Variants in PHACTR2 observed in about 807,000 individuals in gnomAD.
The protein encoded by PHACTR2 is chromosome 6 open reading frame 56.
In PHACTR2, 30 loss-of-function variants were observed where a neutral mutation model predicts 76.0. That is an observed-to-expected ratio of 0.39 (90% CI 0.30 to 0.54). The LOEUF is 0.54. PHACTR2 is among the 20% of genes least tolerant of loss of function. The pLI, the probability that PHACTR2 is intolerant of heterozygous loss-of-function variation, is 0.61. For missense variants in PHACTR2, 696 were observed against 781.1 expected, an observed-to-expected ratio of 0.89 and a Z score of 1.30; for synonymous variants, 292 against 292.5, an observed-to-expected ratio of 1.00 and a Z score of 0.02.
chr6:143,773,834 T>C (rs994314911), intron 7 of PHACTR2, among the ~76,000 whole-genome samples: 2 of 152,212 alleles, frequency 1.3e-5, no homozygotes, highest in African/African-American at 2.4e-5. Context: ...TTTCATGGTG[T>C]CCCAATATTT....
rs564842077 is a variant in PHACTR2 at position 143,789,704 on chromosome 6, G to A, written c.1845+794G>A. 6.6e-6 allele frequency among the ~76,000 whole-genome samples: 1 copy of A among 152,108 alleles called. No homozygotes were observed. Among genetic ancestry groups the A allele is most frequent in the African/African-American group, 2.4e-5 (1 of 41,472 alleles). ...ATCATAAGTACTTTTGCTTAAACAT[G>A]CCACATCTTAATGCTAAAACTAGGC... On this transcript the variant is annotated intron_variant, in intron 11 of 12. Transcript: ENST00000440869. This position sits in a 1 kb window ranked among gnomAD's most constrained non-coding sequence, Gnocchi z 5.1.
In PHACTR2 at chr6:143,775,218, C is replaced by T. The variant is rs1260236859; in HGVS notation, c.1589+1003C>T. ...GTGTCAGAGACAGCAGCTGTGGCATCTATCTGAAGGAAAAGCACAGCCTAC... is the reference window on the plus strand; with the variant it reads ...GTGTCAGAGACAGCAGCTGTGGCATTTATCTGAAGGAAAAGCACAGCCTAC... On this transcript the variant is annotated intron_variant, in intron 8 of 12. Coordinates refer to ENST00000440869, the MANE Select transcript of PHACTR2 (RefSeq NM_001100164.2). The surrounding 1 kb of genome is among the most constrained non-coding windows in gnomAD (Gnocchi z 4.4). Among the ~76,000 whole-genome samples, 1 of 152,148 alleles carries T rather than the reference C, an allele frequency of 6.6e-6. No homozygotes were observed. The highest frequency in any genetic ancestry group is 1.5e-5 in the Non-Finnish European group (1 of 68,020).
rs1007169956 is a variant in PHACTR2 at position 143,602,814 on chromosome 6, A to G, written c.217+65607A>G. On this transcript the variant is annotated intron_variant, in intron 1 of 11. Coordinates refer to the PHACTR2 transcript ENST00000367584. This position sits in a 1 kb window ranked among gnomAD's most constrained non-coding sequence, Gnocchi z 6.1. ...CAGACACCAGGCAATCTGGATGTGC[A>G]GAAAAGTTTCACAGCCTCTGCATTA... Among the ~76,000 whole-genome samples the G allele has an allele frequency of 6.6e-6, 1 of 152,178 alleles. No individual in the cohort carries two copies. Among genetic ancestry groups the G allele is most frequent in the African/African-American group, 2.4e-5 (1 of 41,444 alleles).
rs1776521263 is a variant in PHACTR2, at chr6:143,825,906, A to G, written c.*2217A>G. 1 of 152,148 alleles carries G rather than the reference A, an allele frequency of 6.6e-6. No individual in the cohort carries two copies. The highest frequency in any genetic ancestry group is 2.4e-5 in the African/African-American group (1 of 41,438). The allele number at this position is 152,148 out of a possible 1,614,324, so 9.4% of individuals were successfully genotyped here. A position where few individuals can be genotyped will look rare whatever the true frequency, so the allele number is the denominator to read the frequency against. ...ATGCAATTTTTTATTGCCTACAATG[A>G]GATACACTTAGTACAAAAAATGAAA... On this transcript the variant is annotated 3_prime_UTR_variant, in exon 13 of 13. Coordinates refer to ENST00000440869, the MANE Select transcript of PHACTR2 (RefSeq NM_001100164.2). This position sits in a 1 kb window ranked among gnomAD's most constrained non-coding sequence, Gnocchi z 4.1.
At chr6:143,632,308 C>T (rs895904158) in intron 1 of PHACTR2, among the ~76,000 whole-genome samples, 7 of 152,104 alleles carry the variant, frequency 4.6e-5, no homozygotes, top group African/African-American at 1.7e-4. Context: ...AATATTCTAT[C>T]TTGTATTTTA....
rs1366051930 is a variant in PHACTR2 at position 143,672,845 on chromosome 6, C to T, written c.14-39171C>T. Among the ~76,000 whole-genome samples the T allele has an allele frequency of 6.6e-6, 1 of 152,140 alleles. No individual in the cohort carries two copies. Among genetic ancestry groups the T allele is most frequent in the Non-Finnish European group, 1.5e-5 (1 of 68,024 alleles). ...GTTCAAGTGATTCTCCGGCCTCAGC[C>T]TCCCAAGTAGCTGAGATTACAGGAG... On this transcript the variant is annotated intron_variant, in intron 1 of 11. Coordinates refer to the PHACTR2 transcript ENST00000305766. The surrounding 1 kb of genome is among the most constrained non-coding windows in gnomAD (Gnocchi z 5.8).
At chr6:143,649,379 A>G (rs1298118676) in intron 1 of PHACTR2, among the ~76,000 whole-genome samples, 1 of 152,202 alleles carries the variant, frequency 6.6e-6, no homozygotes, top group African/African-American at 2.4e-5. Context: ...CCTGGCAGAG[A>G]TACAACAAAA....
rs1194452349 is a variant in PHACTR2 at position 143,580,416 on chromosome 6, C to T, written c.217+43209C>T. 1.3e-5 allele frequency among the ~76,000 whole-genome samples: 2 copies of T among 152,206 alleles called. No homozygotes were observed. The highest frequency in any genetic ancestry group is 2.1e-4 in the South Asian group (1 of 4,832). ...AGGAGAATGGCGTGAACCCAGGAGG[C>T]GGGGCTTGCAGTGAGCCGAGATCGT... is the stretch of plus-strand genomic sequence containing the variant. On this transcript the variant is annotated intron_variant, in intron 1 of 11. Transcript: ENST00000367584. The surrounding 1 kb of genome is among the most constrained non-coding windows in gnomAD (Gnocchi z 4.2).
At chr6:143,594,336 TC>T (rs925238258) in intron 1 of PHACTR2, among the ~76,000 whole-genome samples, 1 of 152,176 alleles carries the variant, frequency 6.6e-6, no homozygotes, top group African/African-American at 2.4e-5. Context: ...ATGTGTATTA[TC>T]CCCCCACCAC....
chr6:143,572,155 G>C (rs912820045), intron 1 of PHACTR2, among the ~76,000 whole-genome samples: 4 of 152,200 alleles, frequency 2.6e-5, no homozygotes, highest in Non-Finnish European at 5.9e-5. Flanking sequence ...TGTTGTTGTA[G>C]ACTTTGTTTT....
chr6:143,569,667 A>T (rs1775420269), intron 1 of PHACTR2, among the ~76,000 whole-genome samples: 2 of 152,222 alleles, frequency 1.3e-5, no homozygotes, highest in Non-Finnish European at 1.5e-5. Context: ...ATATAGATAG[A>T]CATACCTGTT....
At chr6:143,705,834 CTCTT>C (rs1778040681) in intron 1 of PHACTR2, among the ~76,000 whole-genome samples, 1 of 152,184 alleles carries the variant, frequency 6.6e-6, no homozygotes, top group Admixed American at 6.5e-5. Context: ...CCTTTCTCCT[CTCTT>C]TCCATACTGC....
rs1562324637 is a variant in PHACTR2, at chr6:143,830,553, G to T, written c.*6864G>T. ...ATCTGTACTGTATTATAGTATGTGGGTATAAATATCTACAAGTATACACAC... is the reference window on the plus strand; with the variant it reads ...ATCTGTACTGTATTATAGTATGTGGTTATAAATATCTACAAGTATACACAC... On this transcript the variant is annotated 3_prime_UTR_variant, in exon 13 of 13. Coordinates refer to ENST00000440869, the MANE Select transcript of PHACTR2 (RefSeq NM_001100164.2). 6.6e-6 allele frequency: 1 copy of T among 152,042 alleles called. No individual in the cohort carries two copies. Among genetic ancestry groups the T allele is most frequent in the Admixed American group, 6.6e-5 (1 of 15,262 alleles). 9.4% of individuals were successfully genotyped at this position (152,042 alleles called of 1,614,324 possible). A position where few individuals can be genotyped will look rare whatever the true frequency, so the allele number is the denominator to read the frequency against.
At chr6:143,642,713 T>C (rs939465575) in intron 1 of PHACTR2, among the ~76,000 whole-genome samples, 5 of 152,198 alleles carry the variant, frequency 3.3e-5, no homozygotes, top group Admixed American at 6.5e-5. Context: ...GAGAACACTA[T>C]GTGAAGATGA....
chr6:143,590,394 T>C (rs191388453), intron 1 of PHACTR2, among the ~76,000 whole-genome samples: 1 of 152,238 alleles, frequency 6.6e-6, no homozygotes, highest in Admixed American at 6.5e-5. Flanking sequence ...TGACTTCAAA[T>C]GTGCTTTTGC....
In PHACTR2 at chr6:143,780,709, T is replaced by C. The variant is rs965441746; in HGVS notation, c.1646-2510T>C. Among the ~76,000 whole-genome samples, 1 of 152,196 alleles carries C rather than the reference T, an allele frequency of 6.6e-6. No individual in the cohort carries two copies. Among genetic ancestry groups the C allele is most frequent in the Non-Finnish European group, 1.5e-5 (1 of 68,042 alleles). On this transcript the variant is annotated intron_variant, in intron 9 of 12. Transcript: ENST00000440869. This position sits in a 1 kb window ranked among gnomAD's most constrained non-coding sequence, Gnocchi z 4.4. ...ACCACATGTATTATTTGTTTATTTA[T>C]CGGAAATGCTTCTTGCGGGTCGTCC...
rs1775189815 is a variant in PHACTR2, at chr6:143,772,980, A to T, written c.1432+523A>T. On this transcript the variant is annotated intron_variant, in intron 7 of 12. Transcript: ENST00000440869. This position sits in a 1 kb window ranked among gnomAD's most constrained non-coding sequence, Gnocchi z 5.4. ...GCTCATGTCTAATTTTGGGAGGCTA[A>T]CGTGGGTGAATCCCTTGAGGTCAGG... is the stretch of plus-strand genomic sequence containing the variant. Among the ~76,000 whole-genome samples the T allele has an allele frequency of 6.6e-6, 1 of 152,208 alleles. No individual in the cohort carries two copies. Among genetic ancestry groups the T allele is most frequent in the African/African-American group, 2.4e-5 (1 of 41,460 alleles).
rs779610956 is a variant in PHACTR2, at chr6:143,750,621, G to T, written c.295+1556G>T. ...TAATTAAAATTTGTAGGTAGAAAAAGAATTTGCTCTGTCTGAAAACCAAGT... is the reference window on the plus strand; with the variant it reads ...TAATTAAAATTTGTAGGTAGAAAAATAATTTGCTCTGTCTGAAAACCAAGT... On this transcript the variant is annotated intron_variant, in intron 3 of 12. Transcript: ENST00000440869. This position sits in a 1 kb window ranked among gnomAD's most constrained non-coding sequence, Gnocchi z 4.6. Among the ~76,000 whole-genome samples the T allele has an allele frequency of 1.3e-5, 2 of 152,130 alleles. No homozygotes were observed. Among genetic ancestry groups the T allele is most frequent in the Non-Finnish European group, 2.9e-5 (2 of 67,996 alleles).
intron 12 of PHACTR2, among the ~76,000 whole-genome samples, chr6:143,810,097 A>G (rs1017914560): frequency 6.6e-6 from 1 of 152,070 alleles, no homozygotes; most frequent in African/African-American, 2.4e-5. Context: ...GGCAACAGAA[A>G]GAAATCCTGT....
Sources: gnomAD v4.1 joint callset for allele counts (sites outside exome capture counted in the v4.1 genomes callset) on GRCh38, gnomAD v4.1.1 for gene constraint, Gnocchi (gnomAD v3.1) non-coding constraint, MANE v1.5 for transcripts, NCBI Gene and HGNC (gene_info 2026-07-23, HGNC 2026-07-21) for gene names.